The following YTHDF3 variants were observed in gnomAD, a reference collection of about 807,000 sequenced individuals.
YTHDF3 encodes YTH N6-methyladenosine RNA binding protein F3, also known as YTH domain-containing family protein 3.
In YTHDF3, 9 loss-of-function variants were observed where a neutral mutation model predicts 52.5. The ratio of observed to expected loss-of-function variants is 0.17; its 90% CI spans 0.10 to 0.30. The LOEUF (loss-of-function observed/expected upper bound fraction) is 0.30, where lower values mean the gene tolerates loss of function less well. Ranked by LOEUF, YTHDF3 falls within the 10% of genes least tolerant of loss-of-function variation. The pLI is 1.00. For synonymous variants in YTHDF3, 274 were observed against 243.3 expected (o/e 1.13, Z -1.18); for missense variants, 534 against 715.0 (o/e 0.75, Z 2.89).
At chr8:63,169,342 C>T (rs764964182) in intron 1 of YTHDF3, 45 bp from the exon 2 acceptor site, 18 of 1,577,728 alleles carry the variant, frequency 1.1e-5, no homozygotes, top group African/African-American at 1.1e-4. Context: ...TTTTTCTTTT[C>T]TTCCTTTTTC....
chr8:63,206,950 G>A (rs1308998163), intron 4 of YTHDF3, among the ~76,000 whole-genome samples: 2 of 152,124 alleles, frequency 1.3e-5, no homozygotes, highest in Non-Finnish European at 2.9e-5. Flanking sequence ...AGATTCACTT[G>A]ATAGTTGCTC....
chr8:63,169,204 G>A (rs1807105140), intron 1 of YTHDF3, 183 bp from the exon 2 acceptor site: 2 of 1,343,728 alleles, frequency 1.5e-6, no homozygotes, highest in South Asian at 3.1e-5. Flanking sequence ...GATTCCGAGT[G>A]GCGGGTGGGA....
At position 63,194,501 on chromosome 8, in the gene YTHDF3, TA is replaced by T. The variant is rs201997658; in HGVS notation, c.1734+6766del. ...ACTCTGTCTCAAAAAACAATAAAAG[TA>T]AAAAAAAAATAAATAAATTTTGGGG... On this transcript the variant is annotated intron_variant, in intron 4 of 4. Coordinates refer to ENST00000539294, the MANE Select transcript of YTHDF3 (RefSeq NM_152758.6). 8.3e-3 allele frequency among the ~76,000 whole-genome samples: 1,245 copies of T among 149,296 alleles called. 24 individuals carry two copies. The highest frequency in any genetic ancestry group is 0.029 in the African/African-American group (1,199 of 40,788).
At position 63,169,376 on chromosome 8, in the gene YTHDF3, T is replaced by A; in HGVS notation, c.25-11T>A. On this transcript the variant is annotated splice_polypyrimidine_tract_variant and intron_variant, in intron 1 of 4. Coordinates refer to ENST00000539294, the MANE Select transcript of YTHDF3 (RefSeq NM_152758.6). The stretch of plus-strand genomic sequence containing the variant: ...TCTCCTCTTTACCGCATCTTTCGTC[T>A]TGCAACACAGAGACCTAAAGGGCAA... 1 of 1,601,362 alleles carries A rather than the reference T, an allele frequency of 6.2e-7. No individual in the cohort carries two copies. The highest frequency in any genetic ancestry group is 8.5e-7 in the Non-Finnish European group (1 of 1,172,984).
At chr8:63,180,017 G>A (rs13282963) in intron 3 of YTHDF3, among the ~76,000 whole-genome samples, 31 of 151,154 alleles carry the variant, frequency 2.1e-4, no homozygotes, top group Non-Finnish European at 3.5e-4. Context: ...CTGGCCGGGC[G>A]GGGGGCTGAT....
intron 4 of YTHDF3, among the ~76,000 whole-genome samples, chr8:63,195,480 C>G (rs1023289454): frequency 6.6e-6 from 1 of 152,042 alleles, no homozygotes; most frequent in Non-Finnish European, 1.5e-5. Flanking sequence ...AGTTGATGAT[C>G]TGAAACTTCA....
chr8:63,198,567 A>G (rs1809385762), intron 4 of YTHDF3, among the ~76,000 whole-genome samples: 1 of 152,044 alleles, frequency 6.6e-6, no homozygotes. Context: ...GTGCCTGGCC[A>G]AGTTGGGCAT....
intron 4 of YTHDF3, among the ~76,000 whole-genome samples, chr8:63,196,372 GC>G (rs1161661187): frequency 6.6e-6 from 1 of 151,896 alleles, no homozygotes; most frequent in Non-Finnish European, 1.5e-5. Context: ...GACCAGCGTG[GC>G]CAACATGGTG....
intron 4 of YTHDF3, among the ~76,000 whole-genome samples, chr8:63,201,373 A>C (rs1809634013): frequency 6.6e-6 from 1 of 152,184 alleles, no homozygotes; most frequent in Non-Finnish European, 1.5e-5. Context: ...AATAAAAAAT[A>C]AATAAATAAA....
Position 63,187,038 on chromosome 8 carries a change from G to C in YTHDF3, c.1027G>C (p.Val343Leu), listed in dbSNP as rs1808561628. ...TCAGCCACAGGCCCAGCCTCACCAA[G>C]TGCAGCCTCAACAGCAGCAGCTGCA... ...GPQPQAQPHQ[V>L]QPQQQQLQNR... Residue 343 changes from valine (V) to leucine (L), a missense_variant, in exon 4 of 5, where the codon GTG becomes CTG. Val to Leu is a conservative substitution (Grantham distance 32). This residue lies in a region of YTHDF3 where 203 missense variants were observed against 201.3 expected (regional missense o/e 1.01). Coordinates refer to ENST00000539294, the MANE Select transcript of YTHDF3 (RefSeq NM_152758.6). 3 of 1,613,588 alleles carry C rather than the reference G, an allele frequency of 1.9e-6. No homozygotes were observed. Among genetic ancestry groups the C allele is most frequent in the Non-Finnish European group, 2.5e-6 (3 of 1,179,704 alleles).
chr8:63,197,385 T>A (rs1381799858), intron 4 of YTHDF3, among the ~76,000 whole-genome samples: 1 of 152,220 alleles, frequency 6.6e-6, no homozygotes, highest in Admixed American at 6.5e-5. Flanking sequence ...TTTTTTCATT[T>A]GTAGAAATGG....
rs193028468 is a variant in YTHDF3, at chr8:63,194,508, A to T, written c.1734+6763A>T. ...CTCAAAAAACAATAAAAGTAAAAAA[A>T]AAATAAATAAATTTTGGGGGGAATA... On this transcript the variant is annotated intron_variant, in intron 4 of 4. Transcript: ENST00000539294. 7.0e-4 allele frequency among the ~76,000 whole-genome samples: 106 copies of T among 152,324 alleles called. 1 individual carries two copies. In the South Asian group the frequency reaches 0.015, roughly 21 times the overall value.
chr8:63,170,561 C>A (rs1469722112), intron 2 of YTHDF3, among the ~76,000 whole-genome samples: 1 of 151,808 alleles, frequency 6.6e-6, no homozygotes, highest in Non-Finnish European at 1.5e-5. Flanking sequence ...TTGTTGTAAG[C>A]ATAAACCTGA....
In YTHDF3 at chr8:63,187,109, G is replaced by A. The variant is rs781777381; in HGVS notation, c.1098G>A (p.Gln366=). The change falls in exon 4 of 5, where the codon CAG becomes CAA. Residue 366 remains glutamine (Q), a synonymous_variant. Transcript: ENST00000539294. Reference sequence around the variant, plus strand: ...GTAACAGGGGAGCAGGCTTCAACCAGAACAATGGAGCGGGCAGTGAAAACT... The same window carrying A: ...GTAACAGGGGAGCAGGCTTCAACCAAAACAATGGAGCGGGCAGTGAAAACT... ...APRNRGAGFN[Q]NNGAGSENFG... 6.2e-7 allele frequency: 1 copy of A among 1,613,898 alleles called. No individual in the cohort carries two copies. The highest frequency in any genetic ancestry group is 2.2e-5 in the East Asian group (1 of 44,878).
intron 4 of YTHDF3, among the ~76,000 whole-genome samples, chr8:63,204,788 G>A (rs916476938): frequency 2.6e-5 from 4 of 152,114 alleles, no homozygotes; most frequent in Non-Finnish European, 4.4e-5. Context: ...CCTTTTGAAT[G>A]CTATGGCCTT....
chr8:63,191,749 G>A (rs1808926570), intron 4 of YTHDF3, among the ~76,000 whole-genome samples: 1 of 152,018 alleles, frequency 6.6e-6, no homozygotes, highest in African/African-American at 2.4e-5. Flanking sequence ...TTGAAATTAT[G>A]TACTATATGA....
rs1387989520 is a variant in YTHDF3, at chr8:63,186,610, T to G, written c.599T>G (p.Leu200Arg). Residue 200 changes from leucine (L) to arginine (R), a missense_variant, in exon 4 of 5, where the codon CTG (leucine) becomes CGG (arginine). Coordinates refer to ENST00000539294, the MANE Select transcript of YTHDF3 (RefSeq NM_152758.6). ...GMTGLKIGGD[L>R]TAAVTKTVGT... Reference sequence around the variant, plus strand: ...ACTGGACTGAAAATTGGTGGTGACCTGACAGCTGCAGTGACAAAAACTGTA... The same window carrying G: ...ACTGGACTGAAAATTGGTGGTGACCGGACAGCTGCAGTGACAAAAACTGTA... 1 of 1,613,994 alleles carries G rather than the reference T, an allele frequency of 6.2e-7. No homozygotes were observed. Among genetic ancestry groups the G allele is most frequent in the Non-Finnish European group, 8.5e-7 (1 of 1,179,884 alleles).
intron 4 of YTHDF3, among the ~76,000 whole-genome samples, chr8:63,203,573 A>G (rs1809785696): frequency 6.6e-6 from 1 of 152,216 alleles, no homozygotes. Context: ...ACACATAATC[A>G]TAGTACATTT....
Position 63,187,343 on chromosome 8 carries a change from T to C in YTHDF3, c.1332T>C (p.Gly444=). Residue 444 remains glycine, a synonymous_variant, in exon 4 of 5, where the codon GGT becomes GGC. Transcript: ENST00000539294. The part of the protein sequence containing the change: ...KYSIWCSTEH[G]NKRLDAAYRS... ...CTATCTGGTGTAGTACTGAGCATGGTAATAAGCGTTTGGATGCAGCTTACC... is the reference window on the plus strand; with the variant it reads ...CTATCTGGTGTAGTACTGAGCATGGCAATAAGCGTTTGGATGCAGCTTACC... 6.2e-7 allele frequency: 1 copy of C among 1,614,036 alleles called. No homozygotes were observed. The highest frequency in any genetic ancestry group is 8.5e-7 in the Non-Finnish European group (1 of 1,179,914).
Sources: gnomAD v4.1 joint callset for allele counts (sites outside exome capture counted in the v4.1 genomes callset) on GRCh38, gnomAD v4.1.1 for gene constraint, gnomAD v4.1.1 regional missense constraint, MANE v1.5 for transcripts, NCBI Gene and HGNC (gene_info 2026-07-23, HGNC 2026-07-21) for gene names.